Variants in ADCY8 observed in about 807,000 individuals in gnomAD.
The protein encoded by ADCY8 is adenylate cyclase 8.
Under a neutral mutation model 119.7 loss-of-function variants are expected in ADCY8, and 51 were observed. That is an observed-to-expected ratio of 0.43 (90% CI 0.34 to 0.54). ADCY8 has a LOEUF of 0.54. Ranked by LOEUF, ADCY8 falls within the 20% of genes least tolerant of loss-of-function variation. ADCY8 has a pLI of 0.03. For synonymous variants in ADCY8, 665 were observed against 651.0 expected, an observed-to-expected ratio of 1.02 and a Z score of -0.33; for missense variants, 1,383 against 1,598.8, an observed-to-expected ratio of 0.87 and a Z score of 2.30.
chr8:130,902,546 T>C lies in ADCY8; in HGVS notation c.1911+1226A>G, dbSNP rs192023305. On this transcript the variant is annotated intron_variant, in intron 7 of 17. Coordinates refer to ENST00000286355, the MANE Select transcript of ADCY8 (RefSeq NM_001115.3). ...ATCTGGCCCATGCATTTTCTCATAG[T>C]TTTTCCCCCACAGATCCAGAAAGAA... 1.7e-3 allele frequency among the ~76,000 whole-genome samples: 259 copies of C among 152,258 alleles called. 1 individual carries two copies. Among genetic ancestry groups the C allele is most frequent in the Non-Finnish European group, 2.9e-3 (197 of 68,016 alleles).
chr8:130,799,496 T>C (rs79101483), intron 15 of ADCY8, among the ~76,000 whole-genome samples: 15,375 of 152,232 alleles, frequency 0.1, 918 homozygotes, highest in Admixed American at 0.16. Flanking sequence ...AGTAGTTGTT[T>C]TTTTTTCCCG....
intron 10 of ADCY8, 66 bp downstream of exon 10, chr8:130,849,536 G>A (rs1308914993): frequency 1.3e-6 from 2 of 1,527,454 alleles, no homozygotes; most frequent in Non-Finnish European, 1.8e-6. Context: ...GAAGCTGCAG[G>A]CTCCATAAAC....
chr8:131,014,133 G>A (rs1022518898), intron 1 of ADCY8, among the ~76,000 whole-genome samples: 3 of 152,192 alleles, frequency 2.0e-5, no homozygotes, highest in African/African-American at 7.2e-5. Context: ...AGAGAATAGA[G>A]TGGCTTAAAA....
At chr8:130,899,731 C>G (rs540306731) in intron 7 of ADCY8, among the ~76,000 whole-genome samples, 1 of 152,268 alleles carries the variant, frequency 6.6e-6, no homozygotes, top group East Asian at 1.9e-4. Context: ...AACAATAGCT[C>G]AAGCCCAGAT....
At chr8:131,026,721 G>C (rs933586381) in intron 1 of ADCY8, among the ~76,000 whole-genome samples, 14 of 152,194 alleles carry the variant, frequency 9.2e-5, no homozygotes, top group Admixed American at 5.9e-4. Flanking sequence ...GTTAAGCCAG[G>C]TGAAGCCCAG....
chr8:130,958,121 A>G (rs1163353095), intron 2 of ADCY8, among the ~76,000 whole-genome samples: 2 of 150,060 alleles, frequency 1.3e-5, no homozygotes, highest in Admixed American at 6.6e-5. Context: ...GGGTTACGAC[A>G]TGTGGGAAAA....
intron 9 of ADCY8, among the ~76,000 whole-genome samples, chr8:130,864,748 A>T (rs1818055723): frequency 1.3e-5 from 2 of 151,884 alleles, no homozygotes; most frequent in Non-Finnish European, 2.9e-5. Flanking sequence ...CTCTGTTTAT[A>T]TTGCCCATTT....
At chr8:130,903,735 A>G (rs368720818) in intron 7 of ADCY8, 37 bp downstream of exon 7, 3 of 1,606,576 alleles carry the variant, frequency 1.9e-6, no homozygotes, top group African/African-American at 1.3e-5. Flanking sequence ...ACGAGCATGC[A>G]TTCATGGCCA....
intron 1 of ADCY8, among the ~76,000 whole-genome samples, chr8:131,008,277 C>T (rs1161100804): frequency 6.6e-6 from 1 of 152,160 alleles, no homozygotes; most frequent in Non-Finnish European, 1.5e-5. Flanking sequence ...GGCTTTGTGT[C>T]CCTGCCCAAA....
chr8:131,013,974 A>C (rs748851986), intron 1 of ADCY8, among the ~76,000 whole-genome samples: 12 of 152,216 alleles, frequency 7.9e-5, no homozygotes, highest in Non-Finnish European at 1.5e-4. Context: ...AAAAATGAAA[A>C]AATGGTTTGT....
intron 2 of ADCY8, among the ~76,000 whole-genome samples, chr8:130,971,892 A>C (rs1333835392): frequency 6.6e-6 from 1 of 152,240 alleles, no homozygotes; most frequent in Non-Finnish European, 1.5e-5. Flanking sequence ...CTTGTGTACT[A>C]AGCTGGGGAA....
At chr8:130,986,972 C>T (rs1275579815) in intron 2 of ADCY8, among the ~76,000 whole-genome samples, 3 of 152,150 alleles carry the variant, frequency 2.0e-5, no homozygotes, top group African/African-American at 4.8e-5. Context: ...GGTATCTTTG[C>T]TAATTTCTTT....
intron 6 of ADCY8, among the ~76,000 whole-genome samples, chr8:130,905,724 G>T (rs560357292): frequency 6.6e-6 from 1 of 152,134 alleles, no homozygotes; most frequent in Non-Finnish European, 1.5e-5. Context: ...GCTGGGCGTG[G>T]TGGTGCATGC....
At chr8:131,016,346 T>C (rs752373250) in intron 1 of ADCY8, among the ~76,000 whole-genome samples, 4 of 151,798 alleles carry the variant, frequency 2.6e-5, no homozygotes, top group African/African-American at 4.8e-5. Context: ...ATAGAGTAAG[T>C]AAAAAGAATT....
intron 7 of ADCY8, among the ~76,000 whole-genome samples, chr8:130,903,386 C>T (rs536802535): frequency 4.6e-5 from 7 of 150,618 alleles, no homozygotes; most frequent in East Asian, 2.0e-4. Flanking sequence ...GGCCAGCTAC[C>T]GAAAAAGGGG....
chr8:130,937,660 C>T (rs1820828587), intron 4 of ADCY8, among the ~76,000 whole-genome samples: 1 of 152,232 alleles, frequency 6.6e-6, no homozygotes, highest in African/African-American at 2.4e-5. Flanking sequence ...ATTACTTCAA[C>T]TCTATAAAGT....
At chr8:130,853,993 C>G (rs1817626536) in intron 9 of ADCY8, among the ~76,000 whole-genome samples, 1 of 152,210 alleles carries the variant, frequency 6.6e-6, no homozygotes, top group Non-Finnish European at 1.5e-5. Context: ...TTCTCTTTCT[C>G]TATTCATCAT....
At chr8:130,957,623 C>G (rs939047961) in intron 2 of ADCY8, among the ~76,000 whole-genome samples, 2 of 152,176 alleles carry the variant, frequency 1.3e-5, no homozygotes, top group Non-Finnish European at 2.9e-5. Context: ...GGCAGCTCCT[C>G]CCATCACAGA....
intron 3 of ADCY8, among the ~76,000 whole-genome samples, chr8:130,946,549 C>T (rs953735775): frequency 4.6e-5 from 7 of 152,190 alleles, no homozygotes; most frequent in Admixed American, 3.9e-4. Context: ...CAGTTATCCC[C>T]AACTCAAGCT....
Sources: allele counts gnomAD v4.1 joint callset (sites outside exome capture counted in the v4.1 genomes callset), GRCh38; gene constraint gnomAD v4.1.1; transcripts MANE v1.5; gene names NCBI Gene and HGNC (gene_info 2026-07-23, HGNC 2026-07-21).